CLEC3B: variants seen among roughly 807,000 people sequenced by gnomAD.
The protein encoded by CLEC3B is C-type lectin domain family 3 member B, also known as tetranectin.
In CLEC3B, 13 loss-of-function variants were observed where a neutral mutation model predicts 15.4. The ratio of observed to expected loss-of-function variants is 0.84; its 90% CI spans 0.55 to 1.34. CLEC3B has a LOEUF of 1.34. Ranked by LOEUF, CLEC3B falls within the 40% of genes most tolerant of loss-of-function variation. The pLI is 0.00. For synonymous variants in CLEC3B, 112 were observed against 114.7 expected, an observed-to-expected ratio of 0.98 and a Z score of 0.15; for missense variants, 242 against 268.6, an observed-to-expected ratio of 0.90 and a Z score of 0.69.
intron 1 of CLEC3B, 104 bp from the exon 2 acceptor site, chr3:45,030,723 T>TATC: frequency 1.4e-6 from 1 of 739,468 alleles, no homozygotes; most frequent in East Asian, 2.8e-5. Context: ...TTTCCCAAGA[T>TATC]ATCAAGGTTG....
intron 1 of CLEC3B, among the ~76,000 whole-genome samples, chr3:45,027,456 T>C (rs1213745928): frequency 6.6e-6 from 1 of 152,218 alleles, no homozygotes; most frequent in African/African-American, 2.4e-5. Context: ...AAAAAAATCA[T>C]CTTCAAGATT....
At chr3:45,034,969 T>C (rs1433327747) in intron 2 of CLEC3B, among the ~76,000 whole-genome samples, 1 of 152,196 alleles carries the variant, frequency 6.6e-6, no homozygotes, top group East Asian at 1.9e-4. Context: ...GCCCTGGCCC[T>C]GCAAGCTGCT....
In CLEC3B at chr3:45,035,852, G is replaced by A. The variant is rs1048000919; in HGVS notation, c.537G>A (p.Ala179=). The part of the protein sequence containing the change: ...KTENCAVLSG[A]ANGKWFDKRC... The stretch of plus-strand genomic sequence containing the variant: ...AGAACTGCGCGGTCCTGTCAGGCGC[G>A]GCCAACGGCAAGTGGTTCGACAAGC... Residue 179 remains alanine, a synonymous_variant, in exon 3 of 3, where the codon GCG becomes GCA. Transcript: ENST00000296130. 2.5e-6 allele frequency: 4 copies of A among 1,612,662 alleles called. No individual in the cohort carries two copies. The highest frequency in any genetic ancestry group is 3.4e-6 in the Non-Finnish European group (4 of 1,179,794).
Position 45,035,759 on chromosome 3 carries a change from C to A in CLEC3B, c.444C>A (p.Thr148=). 1 of 1,613,720 alleles carries A rather than the reference C, an allele frequency of 6.2e-7. No individual in the cohort carries two copies. Among genetic ancestry groups the A allele is most frequent in the Non-Finnish European group, 8.5e-7 (1 of 1,179,982 alleles). Residue 148 remains threonine, a synonymous_variant, in exon 3 of 3, where the codon ACC becomes ACA. Coordinates refer to ENST00000296130, the MANE Select transcript of CLEC3B (RefSeq NM_003278.3). ...CCGAGGGCACCTGGGTGGACATGAC[C>A]GGCGCCCGCATCGCCTACAAGAACT... The part of the protein sequence containing the change: ...MAAEGTWVDM[T]GARIAYKNWE...
At chr3:45,034,001 C>A (rs1469638342) in intron 2 of CLEC3B, among the ~76,000 whole-genome samples, 1 of 152,176 alleles carries the variant, frequency 6.6e-6, no homozygotes, top group Non-Finnish European at 1.5e-5. Context: ...GACGGGATGA[C>A]CCTTCGGCAC....
Position 45,035,903 on chromosome 3 carries a change from C to A in CLEC3B, c.588C>A (p.Ile196=). 1 of 1,602,922 alleles carries A rather than the reference C, an allele frequency of 6.2e-7. No individual in the cohort carries two copies. The highest frequency in any genetic ancestry group is 8.5e-7 in the Non-Finnish European group (1 of 1,174,810). ...GCTGCCGCGATCAGCTGCCCTACATCTGCCAGTTCGGGATCGTGTAGCCGG... is the reference window on the plus strand; with the variant it reads ...GCTGCCGCGATCAGCTGCCCTACATATGCCAGTTCGGGATCGTGTAGCCGG... ...DKRCRDQLPY[I]CQFGIV The change falls in exon 3 of 3, where the codon ATC becomes ATA. Residue 196 remains isoleucine, a synonymous_variant. Transcript: ENST00000296130.
At position 45,035,969 on chromosome 3, in the gene CLEC3B, C is replaced by T. The variant is rs951712732; in HGVS notation, c.*45C>T. ...GGGGGGCCTGGAGGAGGGCAGGGGC[C>T]GCGGGAGGCCGGGAGGAGGGTGGGG... On this transcript the variant is annotated 3_prime_UTR_variant, in exon 3 of 3. Transcript: ENST00000296130. 21 of 1,470,560 alleles carry T rather than the reference C, an allele frequency of 1.4e-5. No homozygotes were observed. Among genetic ancestry groups the T allele is most frequent in the Non-Finnish European group, 1.7e-5 (19 of 1,099,900 alleles). 91.1% of individuals were successfully genotyped at this position (1,470,560 alleles called of 1,614,324 possible). A position where few individuals can be genotyped will look rare whatever the true frequency, so the allele number is the denominator to read the frequency against.
chr3:45,031,040 C>A lies in CLEC3B; in HGVS notation c.208+115C>A, dbSNP rs540912056. On this transcript the variant is annotated intron_variant, in intron 2 of 2. Coordinates refer to ENST00000296130, the MANE Select transcript of CLEC3B (RefSeq NM_003278.3). ...GCATCAGGGTCCTGGCTCCATTAGT[C>A]CAGGCCTATGGGTGAAGGCACCAGG... The A allele has an allele frequency of 1.1e-4, 75 of 708,494 alleles. No homozygotes were observed. In the African/African-American group the frequency reaches 1.2e-3, roughly 11 times the overall value. The allele number at this position is 708,494 out of a possible 1,614,324, so 43.9% of individuals were successfully genotyped here.
Position 45,036,007 on chromosome 3 carries a change from C to T in CLEC3B, c.*83C>T. 7.2e-7 allele frequency: 1 copy of T among 1,389,502 alleles called. No homozygotes were observed. The highest frequency in any genetic ancestry group is 2.7e-5 in the Admixed American group (1 of 36,730). 86.1% of individuals were successfully genotyped at this position (1,389,502 alleles called of 1,614,324 possible). On this transcript the variant is annotated 3_prime_UTR_variant, in exon 3 of 3. Transcript: ENST00000296130. The stretch of plus-strand genomic sequence containing the variant: ...GAGGAGGGTGGGGACCTTGCAGCCC[C>T]CATCCTCTCCGTGCGCTTGGAGCCT...
chr3:45,026,537 C>T (rs1697487573), intron 1 of CLEC3B, 66 bp downstream of exon 1: 2 of 1,365,656 alleles, frequency 1.5e-6, no homozygotes, highest in African/African-American at 1.4e-5. Flanking sequence ...TTAGTGTGTC[C>T]TCATGCTCCT....
chr3:45,035,787 G>A lies in CLEC3B; in HGVS notation c.472G>A (p.Glu158Lys). 1 of 1,613,662 alleles carries A rather than the reference G, an allele frequency of 6.2e-7. No homozygotes were observed. The highest frequency in any genetic ancestry group is 8.5e-7 in the Non-Finnish European group (1 of 1,179,984). ...CGCCCGCATCGCCTACAAGAACTGG[G>A]AGACTGAGATCACCGCGCAACCCGA... is the stretch of plus-strand genomic sequence containing the variant. ...TGARIAYKNW[E>K]TEITAQPDGG... The change falls in exon 3 of 3, where the codon GAG (glutamate) becomes AAG (lysine). Residue 158 changes from glutamate to lysine, a missense_variant. Coordinates refer to ENST00000296130, the MANE Select transcript of CLEC3B (RefSeq NM_003278.3).
intron 2 of CLEC3B, among the ~76,000 whole-genome samples, chr3:45,032,634 A>C (rs1292939343): frequency 6.6e-6 from 1 of 152,228 alleles, no homozygotes; most frequent in African/African-American, 2.4e-5. Flanking sequence ...CCACATAGCA[A>C]CACTCAGTCA....
At position 45,026,580 on chromosome 3, in the gene CLEC3B, G is replaced by T. The variant is rs11921844; in HGVS notation, c.109+109G>T. On this transcript the variant is annotated intron_variant, in intron 1 of 2. Coordinates refer to ENST00000296130, the MANE Select transcript of CLEC3B (RefSeq NM_003278.3). ...ATTTTCCTCCTTTTGAGTCATCTAG[G>T]GAACTTGAGTAAAGTGGGCTTTGGG... 6.9e-3 allele frequency: 6,973 copies of T among 1,012,204 alleles called. 250 individuals carry two copies. The African/African-American group carries it at 0.083, about 12-fold the overall frequency. 62.7% of individuals were successfully genotyped at this position (1,012,204 alleles called of 1,614,324 possible).
At chr3:45,030,308 C>G (rs1697536549) in intron 1 of CLEC3B, 1 of 840,062 alleles carries the variant, frequency 1.2e-6, no homozygotes, top group Admixed American at 5.9e-5. Context: ...TCATCATCCA[C>G]TTCATACATG....
Position 45,030,698 on chromosome 3 carries a change from TAGAG to T in CLEC3B, c.110-121_110-118del, listed in dbSNP as rs111640897. 2.7e-3 allele frequency: 1,756 copies of T among 657,608 alleles called. 47 individuals carry two copies. In the East Asian group the frequency reaches 0.04, roughly 15 times the overall value. The allele number at this position is 657,608 out of a possible 1,614,324, so 40.7% of individuals were successfully genotyped here. A position where few individuals can be genotyped will look rare whatever the true frequency, so the allele number is the denominator to read the frequency against. On this transcript the variant is annotated intron_variant, in intron 1 of 2. Coordinates refer to ENST00000296130, the MANE Select transcript of CLEC3B (RefSeq NM_003278.3). Reference sequence around the variant, plus strand: ...TTAATTAGACTACCACCAGCAAGGATAGAGAGAGAGAAAGTTTCCCAAGATATCA... The same window carrying T: ...TTAATTAGACTACCACCAGCAAGGATAGAGAGAAAGTTTCCCAAGATATCA...
intron 2 of CLEC3B, among the ~76,000 whole-genome samples, chr3:45,031,641 A>C (rs1314385371): frequency 6.6e-6 from 1 of 152,132 alleles, no homozygotes; most frequent in African/African-American, 2.4e-5. Context: ...CAGAATCACC[A>C]AGAACAGGGC....
intron 1 of CLEC3B, among the ~76,000 whole-genome samples, chr3:45,028,079 C>T (rs1249703607): frequency 1.3e-5 from 2 of 152,196 alleles, no homozygotes; most frequent in Non-Finnish European, 2.9e-5. Context: ...GGCCCTGCCT[C>T]TCGCTGAAAC....
chr3:45,026,348 C>A lies in CLEC3B; in HGVS notation c.-15C>A, dbSNP rs182424620. 16 of 1,608,094 alleles carry A rather than the reference C, an allele frequency of 9.9e-6. No individual in the cohort carries two copies. In the East Asian group the frequency reaches 3.1e-4, roughly 31 times the overall value. ...ACCCGCTGCAGGCAGCAGCAGCCCC[C>A]GCCCGCGCAGCAGCATGGAGCTCTG... On this transcript the variant is annotated 5_prime_UTR_variant, in exon 1 of 3. Coordinates refer to ENST00000296130, the MANE Select transcript of CLEC3B (RefSeq NM_003278.3).
chr3:45,028,081 C>T lies in CLEC3B; in HGVS notation c.109+1610C>T, dbSNP rs554887097. The stretch of plus-strand genomic sequence containing the variant: ...GAACAGCCACCCAGGCCCTGCCTCT[C>T]GCTGAAACCCATGGCAGTCTCCCGC... On this transcript the variant is annotated intron_variant, in intron 1 of 2. Transcript: ENST00000296130. 5.2e-4 allele frequency among the ~76,000 whole-genome samples: 79 copies of T among 152,312 alleles called. 2 individuals carry two copies. The highest frequency in any genetic ancestry group is 3.3e-3 in the East Asian group (17 of 5,182).
Sources: gnomAD v4.1 joint callset for allele counts (sites outside exome capture counted in the v4.1 genomes callset) on GRCh38, gnomAD v4.1.1 for gene constraint, MANE v1.5 for transcripts, NCBI Gene and HGNC (gene_info 2026-07-23, HGNC 2026-07-21) for gene names.